The following ARSG variants were observed in gnomAD, a reference collection of about 807,000 sequenced individuals.
The protein encoded by ARSG is ASG.
A neutral mutation model predicts 50.5 loss-of-function variants in ARSG; 37 were observed. The observed-to-expected ratio is 0.73, with a 90% confidence interval of 0.56 to 0.96. ARSG has a LOEUF of 0.96. Among genes scored for constraint, ARSG ranks in the 50% least tolerant of loss-of-function variants. ARSG has a pLI of 0.00. For missense variants in ARSG, 629 were observed against 675.3 expected (o/e 0.93, Z 0.76); for synonymous variants, 225 against 254.6 (o/e 0.88, Z 1.11).
rs1301995192 is a variant in ARSG, at chr17:68,307,423, G to A, written c.-71G>A. The A allele has an allele frequency of 2.4e-6, 3 of 1,227,404 alleles. No homozygotes were observed. The highest frequency in any genetic ancestry group is 3.5e-6 in the Non-Finnish European group (3 of 848,736). The allele number at this position is 1,227,404 out of a possible 1,614,324, so 76.0% of individuals were successfully genotyped here. Reference sequence around the variant, plus strand: ...TTCCTGCTTTGAAAGTGAGCAGAAAGGAAGCTCTCAGAAAAATCTCTAGTG... The same window carrying A: ...TTCCTGCTTTGAAAGTGAGCAGAAAAGAAGCTCTCAGAAAAATCTCTAGTG... On this transcript the variant is annotated 5_prime_UTR_variant, in exon 2 of 12. Coordinates refer to ENST00000621439, the MANE Select transcript of ARSG (RefSeq NM_001267727.2).
chr17:68,324,225 A>G (rs2077411125), intron 2 of ARSG, among the ~76,000 whole-genome samples: 1 of 152,156 alleles, frequency 6.6e-6, no homozygotes, highest in South Asian at 2.1e-4. Context: ...TTTCCTGTGT[A>G]GCTTGTGCAC....
intron 1 of ARSG, among the ~76,000 whole-genome samples, chr17:68,292,731 A>T (rs1248485467): frequency 6.6e-6 from 1 of 152,072 alleles, no homozygotes. Flanking sequence ...CCATTTTGGG[A>T]TAGGCTCTCC....
chr17:68,382,973 A>T lies in ARSG; in HGVS notation c.983-2091A>T, dbSNP rs985648052. ...CACACTGAGAGGCTTCTCTCAGCCA[A>T]TCTTTTTCTTTCTCCTAATTCCTGA... On this transcript the variant is annotated intron_variant, in intron 8 of 11. Transcript: ENST00000621439. Among the ~76,000 whole-genome samples the T allele has an allele frequency of 2.6e-5, 4 of 152,164 alleles. No homozygotes were observed. The East Asian group carries it at 7.7e-4, about 29-fold the overall frequency.
intron 11 of ARSG, among the ~76,000 whole-genome samples, chr17:68,404,157 C>T (rs576515718): frequency 2.6e-5 from 4 of 152,060 alleles, no homozygotes; most frequent in African/African-American, 9.7e-5. Flanking sequence ...TGAATAGTGC[C>T]GCAATAAACA....
In ARSG at chr17:68,347,163, A is replaced by T. The variant is rs913305935; in HGVS notation, c.445A>T (p.Asn149Tyr). Residue 149 changes from asparagine to tyrosine, a missense_variant, in exon 4 of 12, where the codon AAC becomes TAC. Transcript: ENST00000621439. ...TGGACACCACGGCTCTTATCACCCC[A>T]ACTTCCGTGGTAAGAATTCTTTTGG... ...HLGHHGSYHP[N>Y]FRGFDYYFGI... is the part of the protein sequence containing the mutation. The T allele has an allele frequency of 7.1e-5, 114 of 1,613,848 alleles. No homozygotes were observed. Among genetic ancestry groups the T allele is most frequent in the Non-Finnish European group, 9.6e-5 (113 of 1,179,916 alleles).
intron 2 of ARSG, among the ~76,000 whole-genome samples, chr17:68,323,955 C>G (rs2077395810): frequency 1.3e-5 from 2 of 151,540 alleles, no homozygotes; most frequent in Admixed American, 1.3e-4. Flanking sequence ...TGCCTGTAAT[C>G]CCAGCTATTT....
chr17:68,419,487 A>T (rs138222358), intron 11 of ARSG, among the ~76,000 whole-genome samples: 2,561 of 152,192 alleles, frequency 0.017, 82 homozygotes, highest in African/African-American at 0.059. Context: ...GAGGCAGGAG[A>T]ATTGCTTGAA....
chr17:68,382,356 C>T (rs1232626606), intron 8 of ARSG, among the ~76,000 whole-genome samples: 4 of 152,146 alleles, frequency 2.6e-5, no homozygotes, highest in African/African-American at 4.8e-5. Flanking sequence ...GAGAGGTTGT[C>T]ATAAGGATTC....
chr17:68,394,420 C>T (rs1050458998), intron 9 of ARSG, among the ~76,000 whole-genome samples: 2 of 151,866 alleles, frequency 1.3e-5, no homozygotes, highest in Non-Finnish European at 2.9e-5. Flanking sequence ...TAGGCAACAT[C>T]GCAAGACCTT....
the ARSG span, among the ~76,000 whole-genome samples, chr17:68,429,097 T>A: frequency 3.2e-4 from 49 of 152,354 alleles, 1 homozygote; most frequent in East Asian, 8.7e-3. Context: ...TCCTTTGCAT[T>A]CTGGCCTTGG....
chr17:68,260,936 C>T (rs2075063184), intron 1 of ARSG, among the ~76,000 whole-genome samples: 1 of 152,208 alleles, frequency 6.6e-6, no homozygotes, highest in Non-Finnish European at 1.5e-5. Context: ...CCATACTTAA[C>T]CCAGTATTGA....
chr17:68,370,416 G>T (rs755889978), intron 7 of ARSG, 28 bp from the exon 8 acceptor site: 1 of 1,610,792 alleles, frequency 6.2e-7, no homozygotes, highest in Non-Finnish European at 8.5e-7. Context: ...CCAGCCTGGT[G>T]ACCATTAATG....
At chr17:68,359,235 T>TA (rs1280842547) in intron 6 of ARSG, among the ~76,000 whole-genome samples, 8 of 152,018 alleles carry the variant, frequency 5.3e-5, no homozygotes, top group African/African-American at 1.9e-4. Flanking sequence ...AACAAAACCA[T>TA]ACCACAGTCT....
In ARSG at chr17:68,404,500, G is replaced by A. The variant is rs78133107; in HGVS notation, c.1303+3050G>A. The stretch of plus-strand genomic sequence containing the variant: ...TCTTTTTCCATTGATTGATTTTCAA[G>A]TGTTAAGCCAACTTTACATTCCTCA... On this transcript the variant is annotated intron_variant, in intron 11 of 11. Coordinates refer to ENST00000621439, the MANE Select transcript of ARSG (RefSeq NM_001267727.2). Among the ~76,000 whole-genome samples the A allele has an allele frequency of 4.2e-3, 647 of 152,298 alleles. 6 individuals carry two copies. Among genetic ancestry groups the A allele is most frequent in the African/African-American group, 0.015 (625 of 41,578 alleles).
chr17:68,300,381 T>C (rs574621421), intron 1 of ARSG, among the ~76,000 whole-genome samples: 72 of 152,340 alleles, frequency 4.7e-4, no homozygotes, highest in African/African-American at 1.7e-3. Flanking sequence ...TTCTCAACTT[T>C]TGTGTGTTTG....
chr17:68,424,620 A>G (rs1375220779), downstream of ARSG: 1 of 442,586 alleles, frequency 2.3e-6, no homozygotes, highest in African/African-American at 2.0e-5. Context: ...TCACGCCTGT[A>G]ATCCTAGCAC....
intron 1 of ARSG, among the ~76,000 whole-genome samples, chr17:68,275,131 C>G (rs1167835391): frequency 2.6e-5 from 4 of 152,188 alleles, no homozygotes; most frequent in Non-Finnish European, 5.9e-5. Flanking sequence ...TTATGCACTC[C>G]TGAAGGAGAG....
chr17:68,342,551 G>T (rs989960095), intron 2 of ARSG, among the ~76,000 whole-genome samples: 1 of 151,744 alleles, frequency 6.6e-6, no homozygotes, highest in African/African-American at 2.4e-5. Context: ...GTAGAGACAG[G>T]GTTTCACCAT....
At chr17:68,437,320 C>T in the ARSG span, among the ~76,000 whole-genome samples, 2 of 151,782 alleles carry the variant, frequency 1.3e-5, no homozygotes, top group African/African-American at 2.4e-5. Flanking sequence ...TTTGGCAGGC[C>T]GAGGCAGGTG....
Sources: gnomAD v4.1 joint callset for allele counts (sites outside exome capture counted in the v4.1 genomes callset) on GRCh38, gnomAD v4.1.1 for gene constraint, MANE v1.5 for transcripts, NCBI Gene and HGNC (gene_info 2026-07-23, HGNC 2026-07-21) for gene names.